Variants in FHOD3 observed in about 807,000 individuals in gnomAD.
FHOD3 encodes formin homology 2 domain containing 3.
Under a neutral mutation model 173.0 loss-of-function variants are expected in FHOD3, and 90 were observed. The ratio of observed to expected loss-of-function variants is 0.52; its 90% CI spans 0.44 to 0.62. FHOD3 has a LOEUF of 0.62. FHOD3 is among the 20% of genes least tolerant of loss of function. The probability of loss-of-function intolerance (pLI) is 0.00; values close to 1 mark genes in which losing one functional copy is unlikely to be tolerated. For missense variants in FHOD3, 1,945 were observed against 2,034.7 expected (o/e 0.96, Z 0.85); for synonymous variants, 828 against 823.0 (o/e 1.01, Z -0.10).
chr18:36,415,907 G>A (rs953501413), intron 3 of FHOD3, among the ~76,000 whole-genome samples: 4 of 152,196 alleles, frequency 2.6e-5, no homozygotes, highest in Non-Finnish European at 5.9e-5. Flanking sequence ...ATGAAGTTTG[G>A]TGACCTAACC....
At chr18:36,622,139 C>T (rs2033761402) in intron 9 of FHOD3, among the ~76,000 whole-genome samples, 2 of 152,136 alleles carry the variant, frequency 1.3e-5, no homozygotes, top group African/African-American at 4.8e-5. Flanking sequence ...AATAGACTCA[C>T]AGAAGCAGAG....
chr18:36,620,653 T>C (rs1482439421), intron 9 of FHOD3, among the ~76,000 whole-genome samples: 2 of 152,244 alleles, frequency 1.3e-5, no homozygotes, highest in Non-Finnish European at 2.9e-5. Flanking sequence ...ACACATTTCA[T>C]GATAGTGTCT....
chr18:36,600,652 T>C (rs1411998707), intron 7 of FHOD3, among the ~76,000 whole-genome samples: 1 of 152,180 alleles, frequency 6.6e-6, no homozygotes, highest in Non-Finnish European at 1.5e-5. Flanking sequence ...AGTGTTCTTA[T>C]TATAAAGGAT....
At chr18:36,765,978 C>T (rs983208134) in intron 27 of FHOD3, among the ~76,000 whole-genome samples, 3 of 151,964 alleles carry the variant, frequency 2.0e-5, no homozygotes, top group South Asian at 2.1e-4. Flanking sequence ...ATTTAAGAAA[C>T]TTAGGAAATC....
intron 3 of FHOD3, among the ~76,000 whole-genome samples, chr18:36,435,120 G>A (rs2050746705): frequency 6.9e-6 from 1 of 145,390 alleles, no homozygotes; most frequent in Non-Finnish European, 1.5e-5. Flanking sequence ...TTTTTTTCTG[G>A]TCAAGAAAAG....
chr18:36,341,165 A>G (rs1454436438), intron 1 of FHOD3, among the ~76,000 whole-genome samples: 1 of 152,256 alleles, frequency 6.6e-6, no homozygotes, highest in Non-Finnish European at 1.5e-5. Context: ...TCAATTAAAG[A>G]TGAAATAATA....
At chr18:36,553,179 A>G (rs1244748304) in intron 5 of FHOD3, among the ~76,000 whole-genome samples, 6 of 152,176 alleles carry the variant, frequency 3.9e-5, no homozygotes, top group Non-Finnish European at 8.8e-5. Flanking sequence ...CCACTTGATC[A>G]TGGTGGATAA....
intron 6 of FHOD3, among the ~76,000 whole-genome samples, chr18:36,588,391 A>C (rs765313052): frequency 2.6e-5 from 4 of 152,210 alleles, no homozygotes; most frequent in Admixed American, 6.5e-5. Flanking sequence ...GCTTGTAAAC[A>C]ATGTGGTAAA....
chr18:36,624,924 G>C (rs569975459), intron 9 of FHOD3, among the ~76,000 whole-genome samples: 1 of 152,224 alleles, frequency 6.6e-6, no homozygotes, highest in African/African-American at 2.4e-5. Context: ...CCAGGCTGCT[G>C]TGATAGCCTG....
At chr18:36,417,400 C>T (rs1211130015) in intron 3 of FHOD3, among the ~76,000 whole-genome samples, 1 of 152,162 alleles carries the variant, frequency 6.6e-6, no homozygotes, top group Non-Finnish European at 1.5e-5. Flanking sequence ...GACATGATCT[C>T]GTTCTTTATT....
chr18:36,419,821 C>T (rs2049895003), intron 3 of FHOD3, among the ~76,000 whole-genome samples: 1 of 152,216 alleles, frequency 6.6e-6, no homozygotes, highest in African/African-American at 2.4e-5. Flanking sequence ...AGTGCGCTCT[C>T]TTTTATCCTT....
intron 2 of FHOD3, among the ~76,000 whole-genome samples, chr18:36,360,997 G>A (rs972886551): frequency 5.3e-5 from 8 of 151,988 alleles, no homozygotes; most frequent in Non-Finnish European, 7.4e-5. Flanking sequence ...AGAAACCAAC[G>A]AAACCCCCAT....
chr18:36,341,958 C>T (rs1334935457), intron 1 of FHOD3, among the ~76,000 whole-genome samples: 1 of 152,034 alleles, frequency 6.6e-6, no homozygotes, highest in East Asian at 1.9e-4. Flanking sequence ...CAGATATAAT[C>T]TCTGAAACAA....
intron 18 of FHOD3, 172 bp downstream of exon 18, chr18:36,709,563 C>T (rs901228952): frequency 1.5e-6 from 1 of 663,912 alleles, no homozygotes; most frequent in Non-Finnish European, 2.5e-6. Flanking sequence ...CGCTGGCAGC[C>T]AGCCAGCAGC....
rs2040592608 is a variant in FHOD3 at position 36,718,593 on chromosome 18, C to T, written c.3295C>T (p.Pro1099Ser). The T allele has an allele frequency of 6.2e-7, 1 of 1,614,026 alleles. No homozygotes were observed. The highest frequency in any genetic ancestry group is 1.3e-5 in the African/African-American group (1 of 74,888). Residue 1099 changes from proline (P) to serine (S), a missense_variant, in exon 19 of 29, where the codon CCA (proline) becomes TCA (serine). Coordinates refer to ENST00000590592, the MANE Select transcript of FHOD3 (RefSeq NM_001281740.3). ...GAATGAAGTTCGGCCTTTTGACTGGCCATGTAAAAACAACCGACGCTGCAG... is the reference window on the plus strand; with the variant it reads ...GAATGAAGTTCGGCCTTTTGACTGGTCATGTAAAAACAACCGACGCTGCAG... ...FWNEVRPFDW[P>S]CKNNRRCREF...
At chr18:36,571,621 A>C (rs1273740228) in intron 5 of FHOD3, among the ~76,000 whole-genome samples, 1 of 152,220 alleles carries the variant, frequency 6.6e-6, no homozygotes, top group Non-Finnish European at 1.5e-5. Flanking sequence ...TTTAACATTT[A>C]CTCTAAAGCT....
At chr18:36,670,090 T>G (rs1286365812) in intron 14 of FHOD3, among the ~76,000 whole-genome samples, 1 of 152,106 alleles carries the variant, frequency 6.6e-6, no homozygotes, top group African/African-American at 2.4e-5. Context: ...TTGTTTTTGA[T>G]GATAAATCTT....
intron 13 of FHOD3, among the ~76,000 whole-genome samples, chr18:36,656,543 A>G (rs1002820718): frequency 6.6e-6 from 1 of 152,214 alleles, no homozygotes; most frequent in African/African-American, 2.4e-5. Context: ...TGCGGGTCGT[A>G]TCAATATTTT....
chr18:36,427,228 A>G (rs569464163), intron 3 of FHOD3, among the ~76,000 whole-genome samples: 2 of 151,556 alleles, frequency 1.3e-5, no homozygotes, highest in East Asian at 1.9e-4. Context: ...ATGAGACGAG[A>G]AAGATCACAC....
Sources: gnomAD v4.1 joint callset for allele counts (sites outside exome capture counted in the v4.1 genomes callset) on GRCh38, gnomAD v4.1.1 for gene constraint, MANE v1.5 for transcripts, NCBI Gene and HGNC (gene_info 2026-07-23, HGNC 2026-07-21) for gene names.